Variants in CDK19 observed in about 807,000 individuals in gnomAD.
CDK19 encodes the protein cyclin-dependent kinase 19.
In CDK19, 20 loss-of-function variants were observed where a neutral mutation model predicts 68.3. The observed-to-expected ratio is 0.29, with a 90% CI of 0.21 to 0.43. The LOEUF (loss-of-function observed/expected upper bound fraction) is 0.43. Among genes scored for constraint, CDK19 ranks in the 20% least tolerant of loss-of-function variants. The pLI is 1.00. For missense variants in CDK19, 339 were observed against 623.5 expected (o/e 0.54, Z 4.86); for synonymous variants, 221 against 222.8 (o/e 0.99, Z 0.07).
At chr6:110,795,319 T>C (rs749675395) in intron 1 of CDK19, among the ~76,000 whole-genome samples, 39 of 152,238 alleles carry the variant, frequency 2.6e-4, no homozygotes, top group African/African-American at 9.4e-4. Context: ...AACTATAAAA[T>C]GGGTAAAGAC....
chr6:110,714,618 T>C (rs1027603723), intron 2 of CDK19, among the ~76,000 whole-genome samples: 1 of 152,166 alleles, frequency 6.6e-6, no homozygotes. Context: ...AAGTAGTATC[T>C]TGTGGCTTTG....
At chr6:110,685,065 G>A (rs913035808) in intron 2 of CDK19, among the ~76,000 whole-genome samples, 3 of 152,102 alleles carry the variant, frequency 2.0e-5, no homozygotes, top group African/African-American at 7.2e-5. Flanking sequence ...TTGAACCTAG[G>A]AGGCAGAGGT....
At chr6:110,748,215 T>C (rs1356095837) in intron 1 of CDK19, among the ~76,000 whole-genome samples, 2 of 152,204 alleles carry the variant, frequency 1.3e-5, no homozygotes, top group African/African-American at 4.8e-5. Flanking sequence ...GGATAGGTTA[T>C]AGTTGCTATG....
chr6:110,646,609 AG>A (rs1416284943), intron 4 of CDK19: 2 of 359,812 alleles, frequency 5.6e-6, no homozygotes, highest in African/African-American at 2.1e-5. Context: ...GGGGGCGGGG[AG>A]GGGGGATTCG....
rs1205321013 is a variant in CDK19 at position 110,613,467 on chromosome 6, T to C, written c.*1068A>G. The stretch of plus-strand genomic sequence containing the variant: ...TAATACAAATACGAATGGAGAACAC[T>C]GCTCTTTATTTTAAAAGCAGATTAA... On this transcript the variant is annotated 3_prime_UTR_variant, in exon 13 of 13. Transcript: ENST00000368911. 6.6e-6 allele frequency: 1 copy of C among 152,644 alleles called. No homozygotes were observed. The highest frequency in any genetic ancestry group is 1.5e-5 in the Non-Finnish European group (1 of 68,040). The allele number at this position is 152,644 out of a possible 1,614,324, so 9.5% of individuals were successfully genotyped here.
At chr6:110,618,656 A>G (rs945190969) in intron 12 of CDK19, among the ~76,000 whole-genome samples, 3 of 152,144 alleles carry the variant, frequency 2.0e-5, no homozygotes, top group African/African-American at 4.8e-5. Flanking sequence ...CTGATAAGTA[A>G]GCAACAAGGA....
chr6:110,656,718 A>T (rs1781328305), intron 4 of CDK19, among the ~76,000 whole-genome samples: 1 of 152,246 alleles, frequency 6.6e-6, no homozygotes, highest in Admixed American at 6.5e-5. Flanking sequence ...TTTCAGGAGT[A>T]GTTACTGGCC....
chr6:110,748,516 A>G (rs1778230510), intron 1 of CDK19, among the ~76,000 whole-genome samples: 1 of 152,264 alleles, frequency 6.6e-6, no homozygotes, highest in Non-Finnish European at 1.5e-5. Context: ...GAAAGTACAT[A>G]TATCATTACT....
intron 1 of CDK19, among the ~76,000 whole-genome samples, chr6:110,789,724 T>C (rs1415348118): frequency 5.3e-5 from 8 of 152,228 alleles, no homozygotes; most frequent in Non-Finnish European, 8.8e-5. Flanking sequence ...TTTAACTTTT[T>C]ATAATAGATT....
intron 4 of CDK19, among the ~76,000 whole-genome samples, chr6:110,645,247 C>A (rs1780475925): frequency 6.6e-6 from 1 of 152,050 alleles, no homozygotes; most frequent in African/African-American, 2.4e-5. Context: ...ATCAAACAGA[C>A]TATGTTCTCT....
chr6:110,762,939 G>A lies in CDK19; in HGVS notation c.129-16738C>T, dbSNP rs552570303. ...CAAATATTTGATGAATTGATTAACC[G>A]ATTAGATGACTGACTTCACTGGCTA... is the stretch of plus-strand genomic sequence containing the variant. On this transcript the variant is annotated intron_variant, in intron 1 of 12. Coordinates refer to ENST00000368911, the MANE Select transcript of CDK19 (RefSeq NM_015076.5). Among the ~76,000 whole-genome samples, 13 of 152,230 alleles carry A rather than the reference G, an allele frequency of 8.5e-5. No homozygotes were observed. In the South Asian group the frequency reaches 2.1e-3, roughly 24 times the overall value.
chr6:110,683,789 C>T (rs1174984552), intron 2 of CDK19, among the ~76,000 whole-genome samples: 1 of 150,428 alleles, frequency 6.6e-6, no homozygotes, highest in Non-Finnish European at 1.5e-5. Flanking sequence ...GCAACCTCCA[C>T]TTCCCGGGTT....
intron 4 of CDK19, chr6:110,645,718 C>T: frequency 2.3e-6 from 1 of 435,380 alleles, no homozygotes; most frequent in Non-Finnish European, 4.4e-6. Context: ...CGGCTGGAGG[C>T]CAACAGAGTC....
At chr6:110,674,726 C>T (rs929612690) in intron 2 of CDK19, among the ~76,000 whole-genome samples, 1 of 151,954 alleles carries the variant, frequency 6.6e-6, no homozygotes, top group Admixed American at 6.6e-5. Context: ...CATGGTGAAA[C>T]CCCGTCTCTA....
At chr6:110,733,720 A>G (rs1776942268) in intron 2 of CDK19, among the ~76,000 whole-genome samples, 1 of 151,854 alleles carries the variant, frequency 6.6e-6, no homozygotes. Context: ...AAAACACAAA[A>G]AACATAGCAG....
chr6:110,687,119 A>G (rs1772555619), intron 2 of CDK19, among the ~76,000 whole-genome samples: 1 of 152,246 alleles, frequency 6.6e-6, no homozygotes, highest in South Asian at 2.1e-4. Context: ...AAAGCCCCCT[A>G]GAATTCATAC....
intron 2 of CDK19, among the ~76,000 whole-genome samples, chr6:110,681,575 A>G (rs1479911537): frequency 6.6e-6 from 1 of 152,162 alleles, no homozygotes; most frequent in Non-Finnish European, 1.5e-5. Flanking sequence ...TTCTTTTTAC[A>G]TGGTTATCTG....
intron 1 of CDK19, among the ~76,000 whole-genome samples, chr6:110,767,024 C>T (rs1779642266): frequency 6.6e-6 from 1 of 151,956 alleles, no homozygotes; most frequent in South Asian, 2.1e-4. Flanking sequence ...GTCCCAGTTA[C>T]TCGGGAGGCT....
At chr6:110,616,002 A>G (rs1257537699) in intron 12 of CDK19, among the ~76,000 whole-genome samples, 6 of 151,876 alleles carry the variant, frequency 4.0e-5, no homozygotes, top group African/African-American at 9.7e-5. Context: ...CTTTGATTGC[A>G]TCCCCAACCA....
Sources: gnomAD v4.1 joint callset for allele counts (sites outside exome capture counted in the v4.1 genomes callset) on GRCh38, gnomAD v4.1.1 for gene constraint, MANE v1.5 for transcripts, NCBI Gene and HGNC (gene_info 2026-07-23, HGNC 2026-07-21) for gene names.